Variants in CDK17 observed in about 807,000 individuals in gnomAD.
The protein encoded by CDK17 is cyclin dependent kinase 17.
In CDK17, 24 loss-of-function variants were observed where a neutral mutation model predicts 77.6. That is an observed-to-expected ratio of 0.31 (90% CI 0.22 to 0.44). The LOEUF is 0.44. Among genes scored for constraint, CDK17 ranks in the 20% least tolerant of loss-of-function variants. The pLI is 1.00. For synonymous variants in CDK17, 203 were observed against 210.4 expected (o/e 0.96, Z 0.30); for missense variants, 429 against 622.5 (o/e 0.69, Z 3.31).
intron 5 of CDK17, among the ~76,000 whole-genome samples, chr12:96,308,731 A>AAAT (rs34304107): frequency 0.045 from 6,023 of 132,512 alleles, 266 homozygotes; most frequent in African/African-American, 0.11. Context: ...CCGTCTCCAA[A>AAAT]AATAATAATA....
chr12:96,392,006 T>C lies in CDK17; in HGVS notation c.-30+7980A>G, dbSNP rs1175972930. ...TGTTGTTCCTCCTAATTCCATCACT[T>C]TATTCAATTTAAGAGTATGATAATA... On this transcript the variant is annotated intron_variant, in intron 1 of 16. Transcript: ENST00000261211. Among the ~76,000 whole-genome samples, 4 of 152,224 alleles carry C rather than the reference T, an allele frequency of 2.6e-5. No individual in the cohort carries two copies. In the East Asian group the frequency reaches 7.7e-4, roughly 29 times the overall value.
intron 1 of CDK17, among the ~76,000 whole-genome samples, chr12:96,341,890 T>TTAA (rs1226514606): frequency 6.6e-6 from 1 of 152,206 alleles, no homozygotes; most frequent in African/African-American, 2.4e-5. Context: ...TAAAAGGACT[T>TTAA]ATTAGAGTGG....
At chr12:96,390,309 T>G (rs560639775) in intron 1 of CDK17, among the ~76,000 whole-genome samples, 1 of 151,416 alleles carries the variant, frequency 6.6e-6, no homozygotes, top group Non-Finnish European at 1.5e-5. Context: ...TTTTGTATTT[T>G]TTAGTAGAGA....
In CDK17 at chr12:96,355,398, G is replaced by GTTTTTTTTTTTTTTTTTTTTT. The variant is rs58937020; in HGVS notation, c.-29-20554_-29-20534dup. ...CTTGCTGTCTAACATTCTACATTGG[G>GTTTTTTTTTTTTTTTTTTTTT]TTTTTTTTTTTTTTTTTTTTTTTGG... On this transcript the variant is annotated intron_variant, in intron 1 of 16. Transcript: ENST00000261211. Among the ~76,000 whole-genome samples the GTTTTTTTTTTTTTTTTTTTTT allele has an allele frequency of 2.8e-5, 2 of 72,476 alleles. 1 individual carries two copies. Among genetic ancestry groups the GTTTTTTTTTTTTTTTTTTTTT allele is most frequent in the Non-Finnish European group, 4.8e-5 (2 of 41,828 alleles). 47.5% of individuals were successfully genotyped at this position (72,476 alleles called of 152,430 possible).
chr12:96,311,097 T>A lies in CDK17; in HGVS notation c.498A>T (p.Pro166=), dbSNP rs1017918832. 3 of 1,602,516 alleles carry A rather than the reference T, an allele frequency of 1.9e-6. No individual in the cohort carries two copies. The African/African-American group carries it at 4.1e-5, about 22-fold the overall frequency. The change falls in exon 5 of 17, where the codon CCA becomes CCT. Residue 166 remains proline (P), a synonymous_variant. Coordinates refer to ENST00000261211, the MANE Select transcript of CDK17 (RefSeq NM_002595.5). ...GYLEKLQINS[P]PFDQPMSRRS... is the part of the protein sequence containing the mutation. The stretch of plus-strand genomic sequence containing the variant: ...TTCGACTCATTGGTTGGTCAAATGG[T>A]GGACTGTTTATCTGCAACTTTTCAA...
intron 5 of CDK17, among the ~76,000 whole-genome samples, chr12:96,305,363 A>G (rs1952564255): frequency 6.6e-6 from 1 of 152,228 alleles, no homozygotes; most frequent in Non-Finnish European, 1.5e-5. Context: ...TAATGTACCA[A>G]TGTTGGTTCC....
chr12:96,377,982 T>G (rs565976814), intron 1 of CDK17, among the ~76,000 whole-genome samples: 1 of 152,212 alleles, frequency 6.6e-6, no homozygotes, highest in African/African-American at 2.4e-5. Flanking sequence ...CGTGAGCCAC[T>G]GCGCCCGGCC....
At chr12:96,331,572 A>G (rs1175615263) in intron 2 of CDK17, among the ~76,000 whole-genome samples, 1 of 152,180 alleles carries the variant, frequency 6.6e-6, no homozygotes. Flanking sequence ...AGACAAAGTA[A>G]TTTGATTTAT....
chr12:96,291,692 C>T (rs533885190), intron 10 of CDK17, among the ~76,000 whole-genome samples: 1 of 139,998 alleles, frequency 7.1e-6, no homozygotes, highest in African/African-American at 2.7e-5. Context: ...GATCTTGGCT[C>T]ACTGCAACCT....
chr12:96,348,713 T>C (rs1341446888), intron 1 of CDK17, among the ~76,000 whole-genome samples: 1 of 152,048 alleles, frequency 6.6e-6, no homozygotes, highest in Non-Finnish European at 1.5e-5. Context: ...ACAAATTGGA[T>C]AGCTTAATGA....
Position 96,289,348 on chromosome 12 carries a change from A to G in CDK17, c.998-61T>C, listed in dbSNP as rs567117982. 87 of 1,582,974 alleles carry G rather than the reference A, an allele frequency of 5.5e-5. 1 individual carries two copies. In the African/African-American group the frequency reaches 1.1e-3, roughly 20 times the overall value. ...AGCTTTAATGGATCTCTCAGACCCTATTCTCACCATGACTCCATTCAAAGG... is the reference window on the plus strand; with the variant it reads ...AGCTTTAATGGATCTCTCAGACCCTGTTCTCACCATGACTCCATTCAAAGG... On this transcript the variant is annotated intron_variant, in intron 10 of 16. Coordinates refer to ENST00000261211, the MANE Select transcript of CDK17 (RefSeq NM_002595.5).
Position 96,295,011 on chromosome 12 carries a change from G to A in CDK17, c.985C>T (p.Leu329=). Residue 329 remains leucine (L), a synonymous_variant, in exon 10 of 17, where the codon CTA becomes TTA. Transcript: ENST00000261211. ...LLINEKGELK[L]ADFGLARAKS... Reference sequence around the variant, plus strand: ...ATACATTCCATACCAAAATCTGCTAGCTTTAATTCTCCTTTCTCATTAATG... The same window carrying A: ...ATACATTCCATACCAAAATCTGCTAACTTTAATTCTCCTTTCTCATTAATG... The A allele has an allele frequency of 6.2e-7, 1 of 1,610,710 alleles. No homozygotes were observed. The highest frequency in any genetic ancestry group is 8.5e-7 in the Non-Finnish European group (1 of 1,178,502).
chr12:96,289,245 T>C lies in CDK17; in HGVS notation c.1040A>G (p.Asn347Ser). Reference sequence around the variant, plus strand: ...CCGGTACCATAGTGTGACAACTTCATTTGAGTAGGTCTTTGTGGGAACTGA... The same window carrying C: ...CCGGTACCATAGTGTGACAACTTCACTTGAGTAGGTCTTTGTGGGAACTGA... ...AKSVPTKTYS[N>S]EVVTLWYRPP... Residue 347 changes from asparagine to serine, a missense_variant, in exon 11 of 17, where the codon AAT becomes AGT. Around this residue, in one of 4 missense-constraint regions of CDK17, gnomAD observed 51 missense variants for 96.5 expected, o/e 0.53. Coordinates refer to ENST00000261211, the MANE Select transcript of CDK17 (RefSeq NM_002595.5). 1 of 1,613,934 alleles carries C rather than the reference T, an allele frequency of 6.2e-7. No individual in the cohort carries two copies. The highest frequency in any genetic ancestry group is 8.5e-7 in the Non-Finnish European group (1 of 1,179,828).
intron 1 of CDK17, among the ~76,000 whole-genome samples, chr12:96,338,151 T>C (rs1953071921): frequency 6.6e-6 from 1 of 152,210 alleles, no homozygotes; most frequent in Non-Finnish European, 1.5e-5. Context: ...ACTCCATGCC[T>C]ATCTAATAGA....
intron 1 of CDK17, among the ~76,000 whole-genome samples, chr12:96,366,984 G>GT (rs1261077856): frequency 1.3e-5 from 2 of 151,846 alleles, no homozygotes; most frequent in Admixed American, 1.3e-4. Context: ...TTATTTCACT[G>GT]TAACTCAGTA....
At chr12:96,298,828 C>G (rs1407007991) in intron 7 of CDK17, 41 bp downstream of exon 7, 3 of 1,049,416 alleles carry the variant, frequency 2.9e-6, no homozygotes, top group Non-Finnish European at 4.3e-6. Flanking sequence ...GACACTTATT[C>G]CACCACTTTG....
chr12:96,377,926 C>A (rs1049162830), intron 1 of CDK17, among the ~76,000 whole-genome samples: 5 of 152,128 alleles, frequency 3.3e-5, no homozygotes, highest in East Asian at 1.9e-4. Context: ...ATCTCCTGAC[C>A]TCGTGATCCG....
chr12:96,392,720 T>C (rs1954089989), intron 1 of CDK17, among the ~76,000 whole-genome samples: 1 of 152,074 alleles, frequency 6.6e-6, no homozygotes, highest in African/African-American at 2.4e-5. Context: ...ACTAAGGCAA[T>C]ATCGAGTAGG....
At chr12:96,379,034 C>G (rs1004870102) in intron 1 of CDK17, among the ~76,000 whole-genome samples, 2 of 152,114 alleles carry the variant, frequency 1.3e-5, no homozygotes, top group Non-Finnish European at 2.9e-5. Context: ...GTGGAAGAAT[C>G]TGAAGGTTCA....
Sources: allele counts gnomAD v4.1 joint callset (sites outside exome capture counted in the v4.1 genomes callset), GRCh38; gene constraint gnomAD v4.1.1; regional missense constraint gnomAD v4.1.1; transcripts MANE v1.5; gene names NCBI Gene and HGNC (gene_info 2026-07-23, HGNC 2026-07-21).